Variants in DPP6 observed in about 807,000 individuals in gnomAD.
The protein encoded by DPP6 is A-type potassium channel modulatory protein DPP6.
In DPP6, 69 loss-of-function variants were observed where a neutral mutation model predicts 122.6. The observed-to-expected ratio is 0.56, with a 90% CI of 0.46 to 0.69. DPP6 has a LOEUF of 0.69. Among genes scored for constraint, DPP6 ranks in the 30% least tolerant of loss-of-function variants. The pLI, the probability that DPP6 is intolerant of heterozygous loss-of-function variation, is 0.00. For missense variants in DPP6, 928 were observed against 1,116.9 expected (o/e 0.83, Z 2.41); for synonymous variants, 418 against 433.1 (o/e 0.97, Z 0.43).
At chr7:154,408,244 T>C (rs1403490243) in intron 1 of DPP6, among the ~76,000 whole-genome samples, 3 of 152,176 alleles carry the variant, frequency 2.0e-5, no homozygotes, top group African/African-American at 7.2e-5. Flanking sequence ...TTTTCAAAAA[T>C]AAAGAATGTT....
At chr7:154,313,715 A>ATATATATATATATATATATATATATATG (rs1563460487) in intron 1 of DPP6, among the ~76,000 whole-genome samples, 1 of 35,816 alleles carries the variant, frequency 2.8e-5, no homozygotes, top group Non-Finnish European at 5.4e-5. Flanking sequence ...ATATATATAT[A>ATATATATATATATATATATATATATATG]CACACACACG....
chr7:154,285,636 G>C (rs974821135), intron 1 of DPP6, among the ~76,000 whole-genome samples: 2 of 152,128 alleles, frequency 1.3e-5, no homozygotes, highest in Admixed American at 6.6e-5. Context: ...GTGAGGAAAC[G>C]GTTTAAAAAT....
intron 17 of DPP6, among the ~76,000 whole-genome samples, chr7:154,856,092 ATAAT>A (rs1336530434): frequency 2.0e-5 from 3 of 151,632 alleles, no homozygotes; most frequent in Non-Finnish European, 4.4e-5. Context: ...CTAGGAATCT[ATAAT>A]TATTTCAAAT....
intron 1 of DPP6, among the ~76,000 whole-genome samples, chr7:154,091,506 T>G (rs973331552): frequency 1.3e-5 from 2 of 152,120 alleles, no homozygotes; most frequent in African/African-American, 4.8e-5. Flanking sequence ...TTCCCTAGTT[T>G]GTAGGCAGCA....
intron 1 of DPP6, among the ~76,000 whole-genome samples, chr7:154,117,341 C>A (rs893086177): frequency 2.6e-5 from 4 of 152,132 alleles, no homozygotes; most frequent in Non-Finnish European, 4.4e-5. Flanking sequence ...ATCAGAGATT[C>A]TTTTAAAGAC....
At chr7:154,121,293 T>G (rs566658983) in intron 1 of DPP6, among the ~76,000 whole-genome samples, 1 of 152,366 alleles carries the variant, frequency 6.6e-6, no homozygotes, top group South Asian at 2.1e-4. Context: ...ATTTATTGTT[T>G]CCTTCCCTCT....
intron 10 of DPP6, among the ~76,000 whole-genome samples, chr7:154,779,015 C>CCCA (rs1796803750): frequency 3.5e-4 from 1 of 2,838 alleles, no homozygotes; most frequent in Non-Finnish European, 7.3e-4. Context: ...CCACCAGCAC[C>CCCA]CCACCATCAC....
the DPP6 span, among the ~76,000 whole-genome samples, chr7:153,753,923 T>C: frequency 6.6e-6 from 1 of 152,212 alleles, no homozygotes; most frequent in East Asian, 1.9e-4. Context: ...ATTCTACCAA[T>C]GAATTACTAA....
chr7:154,302,065 C>T (rs760304834), intron 1 of DPP6, among the ~76,000 whole-genome samples: 28 of 152,156 alleles, frequency 1.8e-4, no homozygotes, highest in Admixed American at 5.2e-4. Context: ...GATCTACCCT[C>T]TTAACGGATT....
At chr7:154,083,009 C>T (rs957925189) in intron 1 of DPP6, among the ~76,000 whole-genome samples, 6 of 151,778 alleles carry the variant, frequency 4.0e-5, no homozygotes, top group Admixed American at 6.6e-5. Context: ...CCACCATGCC[C>T]GGCTAATTTT....
rs189780074 is a variant in DPP6 at position 154,479,933 on chromosome 7, G to A, written c.457+4896G>A. The stretch of plus-strand genomic sequence containing the variant: ...CCCATCCTCCTTCTCAGCTGAAACT[G>A]CCAGAAGAGAGCTTAGGAACACTCC... On this transcript the variant is annotated intron_variant, in intron 3 of 25. Coordinates refer to ENST00000377770, the MANE Select transcript of DPP6 (RefSeq NM_130797.4). Among the ~76,000 whole-genome samples the A allele has an allele frequency of 1.2e-4, 18 of 151,948 alleles. No homozygotes were observed. In the East Asian group the frequency reaches 3.5e-3, roughly 30 times the overall value.
At chr7:154,183,835 G>A (rs928963444) in intron 1 of DPP6, among the ~76,000 whole-genome samples, 1 of 152,204 alleles carries the variant, frequency 6.6e-6, no homozygotes. Context: ...ACTCAGCACC[G>A]GGACTGTCAC....
Position 154,121,710 on chromosome 7 carries a change from T to A in DPP6, c.243+68647T>A, listed in dbSNP as rs1213859614. Among the ~76,000 whole-genome samples the A allele has an allele frequency of 7.2e-5, 11 of 152,246 alleles. No individual in the cohort carries two copies. The East Asian group carries it at 2.1e-3, about 29-fold the overall frequency. The stretch of plus-strand genomic sequence containing the variant: ...TTTGTGACCTCACATACAGTCCATT[T>A]TAGAGAATGTTTCAGGTGCACTGGG... On this transcript the variant is annotated intron_variant, in intron 1 of 25. Coordinates refer to ENST00000377770, the MANE Select transcript of DPP6 (RefSeq NM_130797.4).
chr7:154,545,017 C>T (rs1241798078), intron 4 of DPP6, among the ~76,000 whole-genome samples: 1 of 152,164 alleles, frequency 6.6e-6, no homozygotes, highest in Non-Finnish European at 1.5e-5. Flanking sequence ...TAGCCTGCAT[C>T]CCAGAGTGAG....
chr7:154,070,051 C>T (rs1803008360), intron 1 of DPP6, among the ~76,000 whole-genome samples: 1 of 151,896 alleles, frequency 6.6e-6, no homozygotes, highest in Admixed American at 6.6e-5. Flanking sequence ...GACTCCGTCT[C>T]AAAACAAAAC....
At chr7:154,164,773 G>A (rs1160647750) in intron 1 of DPP6, among the ~76,000 whole-genome samples, 4 of 152,134 alleles carry the variant, frequency 2.6e-5, no homozygotes, top group African/African-American at 7.2e-5. Flanking sequence ...AGATTCATCT[G>A]TGTTACAGAA....
At chr7:154,492,784 A>C (rs1385073506) in intron 3 of DPP6, among the ~76,000 whole-genome samples, 2 of 152,156 alleles carry the variant, frequency 1.3e-5, no homozygotes, top group African/African-American at 4.8e-5. Context: ...CCATCCTACA[A>C]GGAGGTGGTT....
intron 8 of DPP6, among the ~76,000 whole-genome samples, chr7:154,733,637 A>T (rs1225679184): frequency 6.6e-6 from 1 of 152,132 alleles, no homozygotes; most frequent in Non-Finnish European, 1.5e-5. Flanking sequence ...GTATTCAAGG[A>T]GGTGGAGAGT....
intron 1 of DPP6, among the ~76,000 whole-genome samples, chr7:153,996,342 A>G (rs1380224411): frequency 1.3e-5 from 2 of 152,222 alleles, no homozygotes; most frequent in Admixed American, 1.3e-4. Flanking sequence ...TTTATTAGGC[A>G]ACCAGTTCCT....
Sources: allele counts gnomAD v4.1 joint callset (sites outside exome capture counted in the v4.1 genomes callset), GRCh38; gene constraint gnomAD v4.1.1; transcripts MANE v1.5; gene names NCBI Gene and HGNC (gene_info 2026-07-23, HGNC 2026-07-21).